The following ANKDD1A variants were observed in gnomAD, a reference collection of about 807,000 sequenced individuals.
ANKDD1A encodes ankyrin repeat and death domain containing 1A.
ANKDD1A carries 59 observed loss-of-function variants against 63.5 expected under a neutral mutation model. The ratio of observed to expected loss-of-function variants is 0.93; its 90% CI spans 0.75 to 1.15. The LOEUF (loss-of-function observed/expected upper bound fraction) is 1.15. Ranked by LOEUF, ANKDD1A falls within the 50% of genes most tolerant of loss-of-function variation. ANKDD1A has a pLI of 0.00. For synonymous variants in ANKDD1A, 266 were observed against 263.9 expected (o/e 1.01, Z -0.08); for missense variants, 632 against 656.4 (o/e 0.96, Z 0.41).
At chr15:64,953,040 CTTCTTTCCTCTCTTTT>C (rs1332129957) in intron 14 of ANKDD1A, among the ~76,000 whole-genome samples, 1 of 22,024 alleles carries the variant, frequency 4.5e-5, no homozygotes, top group African/African-American at 6.3e-5. Flanking sequence ...TTCTTCCTTT[CTTCTTTCCTCTCTTTT>C]TTCTTCCTCT....
intron 6 of ANKDD1A, among the ~76,000 whole-genome samples, chr15:64,928,489 G>A (rs984572209): frequency 6.6e-6 from 1 of 152,228 alleles, no homozygotes; most frequent in Non-Finnish European, 1.5e-5. Context: ...CTGCAAAGAA[G>A]CTTTTAAAAT....
At chr15:64,919,326 C>A (rs113342061) in intron 3 of ANKDD1A, among the ~76,000 whole-genome samples, 1,591 of 152,348 alleles carry the variant, frequency 0.01, 11 homozygotes, top group Middle Eastern at 0.02. Context: ...CTCCTTCCTC[C>A]TGCAGCCAGC....
At chr15:64,952,519 T>TCCTTCTC (rs1555366971) in intron 14 of ANKDD1A, among the ~76,000 whole-genome samples, 5 of 145,164 alleles carry the variant, frequency 3.4e-5, no homozygotes, top group South Asian at 4.3e-4. Context: ...CTTACTTTCT[T>TCCTTCTC]CTTCCTTCGT....
rs147322903 is a variant in ANKDD1A at position 64,938,801 on chromosome 15, C to T, written c.868-3666C>T. On this transcript the variant is annotated intron_variant, in intron 9 of 14. Coordinates refer to ENST00000319580, the MANE Select transcript of ANKDD1A (RefSeq NM_182703.6). The stretch of plus-strand genomic sequence containing the variant: ...ACCCCATCTTAACTCAAAAATTAGC[C>T]GGGTGTGGTGGTGGGCGCCTGTAAT... Among the ~76,000 whole-genome samples the T allele has an allele frequency of 2.2e-3, 331 of 151,832 alleles. 2 individuals carry two copies. The highest frequency in any genetic ancestry group is 7.7e-3 in the African/African-American group (317 of 41,408).
intron 3 of ANKDD1A, among the ~76,000 whole-genome samples, chr15:64,920,873 A>G (rs1316097083): frequency 1.3e-5 from 2 of 152,196 alleles, no homozygotes; most frequent in African/African-American, 4.8e-5. Flanking sequence ...TAAACAGTCC[A>G]TTCTTAAACA....
intron 14 of ANKDD1A, among the ~76,000 whole-genome samples, chr15:64,951,968 T>C (rs117070782): frequency 0.023 from 3,519 of 150,088 alleles, 159 homozygotes; most frequent in East Asian, 0.22. Flanking sequence ...TCTGCTCTTC[T>C]TTCTTCTTCC....
chr15:64,954,050 TTTCTCC>T (rs2085371853), intron 14 of ANKDD1A, among the ~76,000 whole-genome samples: 14 of 24,782 alleles, frequency 5.6e-4, no homozygotes, highest in Non-Finnish European at 2.9e-3. Flanking sequence ...CTCTTCTTCT[TTTCTCC>T]TTCTTCTTTC....
At chr15:64,951,156 A>T in intron 14 of ANKDD1A, 1 of 1,104,718 alleles carries the variant, frequency 9.1e-7, no homozygotes, top group Non-Finnish European at 1.1e-6. Context: ...ACAGTCATGC[A>T]GAGCCCAGGA....
chr15:64,952,357 C>T (rs896183728), intron 14 of ANKDD1A, among the ~76,000 whole-genome samples: 5 of 140,736 alleles, frequency 3.6e-5, no homozygotes, highest in Non-Finnish European at 7.6e-5. Context: ...AGTTCTTCCT[C>T]CTTCTTCTTT....
At chr15:64,953,438 TC>T (rs1335284306) in intron 14 of ANKDD1A, among the ~76,000 whole-genome samples, 25 of 139,956 alleles carry the variant, frequency 1.8e-4, no homozygotes, top group Non-Finnish European at 2.5e-4. Flanking sequence ...TCCTCCTCCT[TC>T]CTTTTCTTCT....
At position 64,954,718 on chromosome 15, in the gene ANKDD1A, TCTC is replaced by T. The variant is rs200945819; in HGVS notation, c.1484-2376_1484-2374del. Among the ~76,000 whole-genome samples the T allele has an allele frequency of 8.1e-4, 114 of 141,146 alleles. No individual in the cohort carries two copies. The Middle Eastern group carries it at 0.016, about 19-fold the overall frequency. The allele number at this position is 141,146 out of a possible 152,430, so 92.6% of individuals were successfully genotyped here. On this transcript the variant is annotated intron_variant, in intron 14 of 14. Transcript: ENST00000319580. ...TTGTTCTTCTCCTTCTTCTTCTCCT[TCTC>T]CTCCTCCTTCTTCTTCCTTCTCCTT...
rs1270588417 is a variant in ANKDD1A, at chr15:64,930,977, G to C, written c.669+57G>C. On this transcript the variant is annotated intron_variant, in intron 7 of 14. Transcript: ENST00000319580. ...TGACCCTTGCTTGCTCTCTGCCTTCGAGGAACCCCCACCAGTCCATGGTGA... is the reference window on the plus strand; with the variant it reads ...TGACCCTTGCTTGCTCTCTGCCTTCCAGGAACCCCCACCAGTCCATGGTGA... 2.6e-6 allele frequency: 4 copies of C among 1,550,482 alleles called. No individual in the cohort carries two copies. The East Asian group carries it at 9.1e-5, about 35-fold the overall frequency.
At chr15:64,922,940 T>C (rs1031979680) in intron 4 of ANKDD1A, among the ~76,000 whole-genome samples, 14 of 152,236 alleles carry the variant, frequency 9.2e-5, no homozygotes, top group African/African-American at 3.1e-4. Context: ...ACACTTATCA[T>C]TACATTGAAA....
intron 7 of ANKDD1A, 151 bp downstream of exon 7, chr15:64,931,071 C>T: frequency 1.3e-6 from 1 of 761,276 alleles, no homozygotes; most frequent in Non-Finnish European, 2.1e-6. Flanking sequence ...CAAGCAGCAG[C>T]ACTGAACTCC....
intron 8 of ANKDD1A, 58 bp from the exon 9 acceptor site, chr15:64,934,078 T>G: frequency 1.4e-6 from 2 of 1,438,910 alleles, no homozygotes; most frequent in Non-Finnish European, 1.9e-6. Flanking sequence ...CGAAGAGCTT[T>G]GCAAACCTCA....
At chr15:64,953,513 T>TTCTTCTCC (rs1429289447) in intron 14 of ANKDD1A, among the ~76,000 whole-genome samples, 6 of 36,448 alleles carry the variant, frequency 1.6e-4, no homozygotes, top group Non-Finnish European at 1.6e-4. Flanking sequence ...CTCCTCTTCC[T>TTCTTCTCC]TCTCCTTCTT....
intron 14 of ANKDD1A, chr15:64,950,216 G>A (rs918667836): frequency 7.1e-6 from 7 of 985,248 alleles, no homozygotes; most frequent in African/African-American, 5.2e-5. Context: ...TCACAGCCCC[G>A]GAGCCAGTGA....
chr15:64,934,152 T>C lies in ANKDD1A; in HGVS notation c.785T>C (p.Leu262Pro). 1 of 1,610,246 alleles carries C rather than the reference T, an allele frequency of 6.2e-7. No homozygotes were observed. Among genetic ancestry groups the C allele is most frequent in the Non-Finnish European group, 8.5e-7 (1 of 1,177,774 alleles). The change falls in exon 9 of 15, where the codon CTT becomes CCT. Residue 262 changes from leucine to proline, a missense_variant. Transcript: ENST00000319580. ...NALTQKNLSCLHYAALSGSED... is the reference protein window; with the variant it reads ...NALTQKNLSCPHYAALSGSED... Reference sequence around the variant, plus strand: ...TCCTTCTAGAAAAACCTAAGCTGCCTTCACTATGCAGCCCTCAGTGGCTCG... The same window carrying C: ...TCCTTCTAGAAAAACCTAAGCTGCCCTCACTATGCAGCCCTCAGTGGCTCG...
chr15:64,952,652 C>CTTCTCCTCCTCT (rs2085316020), intron 14 of ANKDD1A, among the ~76,000 whole-genome samples: 2 of 7,574 alleles, frequency 2.6e-4, no homozygotes, highest in Admixed American at 2.9e-3. Flanking sequence ...TCTCCTTCTC[C>CTTCTCCTCCTCT]TTCTTCTTCC....
Sources: gnomAD v4.1 joint callset for allele counts (sites outside exome capture counted in the v4.1 genomes callset) on GRCh38, gnomAD v4.1.1 for gene constraint, MANE v1.5 for transcripts, NCBI Gene and HGNC (gene_info 2026-07-23, HGNC 2026-07-21) for gene names.